Variants in ZNF577 observed in about 807,000 individuals in gnomAD.
ZNF577 encodes zinc finger protein 577.
A neutral mutation model predicts 13.9 loss-of-function variants in ZNF577; 14 were observed. The ratio of observed to expected loss-of-function variants is 1.00; its 90% CI spans 0.66 to 1.57. The LOEUF (loss-of-function observed/expected upper bound fraction) is 1.57, where lower values mean the gene tolerates loss of function less well. ZNF577 is among the 40% of genes most tolerant of loss of function. ZNF577 has a pLI of 0.00. For synonymous variants in ZNF577, 203 were observed against 202.9 expected, an observed-to-expected ratio of 1.00 and a Z score of 0.00; for missense variants, 555 against 579.2, an observed-to-expected ratio of 0.96 and a Z score of 0.43.
chr19:51,846,845 G>A (rs931533651), intron 5 of ZNF577, among the ~76,000 whole-genome samples: 10 of 152,158 alleles, frequency 6.6e-5, no homozygotes, highest in Non-Finnish European at 1.5e-4. Context: ...CCAGCTTCCA[G>A]AACTATAAGA....
At chr19:51,863,163 T>C (rs1448255948), downstream of ZNF577, 1 of 152,216 alleles carries the variant, frequency 6.6e-6, no homozygotes, top group Non-Finnish European at 1.5e-5. Flanking sequence ...ATTCCTGGGA[T>C]TTGTTTCCTG....
chr19:51,809,305 C>T (rs988758729), intron 10 of ZNF577, among the ~76,000 whole-genome samples: 2 of 152,218 alleles, frequency 1.3e-5, no homozygotes, highest in Non-Finnish European at 2.9e-5. Context: ...CCTACTCCCA[C>T]TAGGGATGTA....
At chr19:51,835,543 CT>C (rs1291918112) in intron 9 of ZNF577, among the ~76,000 whole-genome samples, 1 of 152,106 alleles carries the variant, frequency 6.6e-6, no homozygotes, top group Non-Finnish European at 1.5e-5. Flanking sequence ...TACTAGTTTA[CT>C]TTTAAATACA....
At chr19:51,881,341 G>A (rs1161107990) in intron 1 of ZNF577, among the ~76,000 whole-genome samples, 1 of 152,080 alleles carries the variant, frequency 6.6e-6, no homozygotes, top group South Asian at 2.1e-4. Context: ...AAGAAGTGGT[G>A]GCTCAAGAAA....
intron 9 of ZNF577, among the ~76,000 whole-genome samples, chr19:51,814,972 G>A (rs1360238917): frequency 6.6e-6 from 1 of 151,664 alleles, no homozygotes; most frequent in Non-Finnish European, 1.5e-5. Flanking sequence ...ACCACGTCTG[G>A]CTAATTTTCG....
At position 51,827,583 on chromosome 19, in the gene ZNF577, C is replaced by T. The variant is rs377442915; in HGVS notation, c.*599+12310G>A. 6.6e-5 allele frequency among the ~76,000 whole-genome samples: 10 copies of T among 152,292 alleles called. No individual in the cohort carries two copies. In the East Asian group the frequency reaches 1.9e-3, roughly 29 times the overall value. ...TGTCCAGTCAAAATTATCTCCAGCC[C>T]TCATAATATGAATCAGGTCAGGTCT... On this transcript the variant is annotated intron_variant and NMD_transcript_variant, in intron 9 of 10. Transcript: ENST00000638827.
chr19:51,878,134 GT>G (rs1158967905), intron 4 of ZNF577: 5 of 233,810 alleles, frequency 2.1e-5, no homozygotes, highest in Non-Finnish European at 4.2e-5. Flanking sequence ...TTGTTGTTTT[GT>G]GGGTACAGAG....
intron 9 of ZNF577, chr19:51,825,164 G>A: frequency 4.5e-6 from 1 of 222,732 alleles, no homozygotes; most frequent in Non-Finnish European, 9.6e-6. Context: ...CCTCTTTGGG[G>A]GTAGAGTGGC....
intron 5 of ZNF577, chr19:51,861,522 C>G (rs942551828): frequency 6.6e-6 from 1 of 152,336 alleles, no homozygotes; most frequent in Admixed American, 6.5e-5. Context: ...AGGTTTCTCT[C>G]CCACAAGAGT....
chr19:51,811,764 T>G (rs1258934811), intron 9 of ZNF577: 1 of 150,228 alleles, frequency 6.7e-6, no homozygotes, highest in South Asian at 2.1e-4. Flanking sequence ...TTGCCTCTAG[T>G]GGACAAGGAG....
At chr19:51,857,391 AAAGAAAG>A (rs2084440533) in intron 5 of ZNF577, among the ~76,000 whole-genome samples, 1 of 121,210 alleles carries the variant, frequency 8.3e-6, no homozygotes, top group Non-Finnish European at 1.6e-5. Flanking sequence ...AGAAAGAAAG[AAAGAAAG>A]AAAGAAAGAA....
At chr19:51,853,670 C>T (rs1324543680) in intron 5 of ZNF577, among the ~76,000 whole-genome samples, 1 of 152,194 alleles carries the variant, frequency 6.6e-6, no homozygotes, top group African/African-American at 2.4e-5. Context: ...GGCTCTGTTG[C>T]TACCTTCTAT....
chr19:51,838,158 CAAATACAAATATTAT>C (rs2084298036), intron 9 of ZNF577, among the ~76,000 whole-genome samples: 1 of 152,144 alleles, frequency 6.6e-6, no homozygotes, highest in Non-Finnish European at 1.5e-5. Context: ...CAACAGAGAA[CAAATACAAATATTAT>C]AATACTATTT....
At chr19:51,805,952 C>T (rs967037113) in intron 10 of ZNF577, among the ~76,000 whole-genome samples, 3 of 152,018 alleles carry the variant, frequency 2.0e-5, no homozygotes, top group Admixed American at 6.5e-5. Flanking sequence ...TCATCAAAGT[C>T]GAGATATTAT....
At chr19:51,827,302 T>C (rs1483125066) in intron 9 of ZNF577, among the ~76,000 whole-genome samples, 1 of 151,888 alleles carries the variant, frequency 6.6e-6, no homozygotes, top group East Asian at 1.9e-4. Context: ...CAGGAAGGAG[T>C]CAGCCACGTT....
chr19:51,824,736 G>T lies in ZNF577; in HGVS notation c.*600-13062C>A, dbSNP rs1485119388. ...GGAGAGGGCCCTGACTGAGGTCCCTGACTCAGCCCAGACCAGCAACACAGA... is the reference window on the plus strand; with the variant it reads ...GGAGAGGGCCCTGACTGAGGTCCCTTACTCAGCCCAGACCAGCAACACAGA... On this transcript the variant is annotated intron_variant and NMD_transcript_variant, in intron 9 of 10. Coordinates refer to the ZNF577 transcript ENST00000638827. The surrounding 1 kb of genome is among the most constrained non-coding windows in gnomAD (Gnocchi z 4.7). 1.9e-6 allele frequency: 3 copies of T among 1,614,000 alleles called. No homozygotes were observed. Among genetic ancestry groups the T allele is most frequent in the South Asian group, 2.2e-5 (2 of 91,078 alleles).
At chr19:51,857,224 G>A (rs887795810) in intron 5 of ZNF577, among the ~76,000 whole-genome samples, 4 of 151,836 alleles carry the variant, frequency 2.6e-5, no homozygotes, top group African/African-American at 4.8e-5. Context: ...GCTTGAACCC[G>A]GGAGGCGGAG....
intron 5 of ZNF577, among the ~76,000 whole-genome samples, chr19:51,854,200 A>G (rs1319682122): frequency 3.3e-5 from 5 of 152,180 alleles, no homozygotes; most frequent in Non-Finnish European, 5.9e-5. Context: ...TGTCTATCAT[A>G]TATCATTGGC....
chr19:51,817,931 A>G (rs548430213), intron 9 of ZNF577: 4 of 152,242 alleles, frequency 2.6e-5, no homozygotes, highest in South Asian at 2.1e-4. Flanking sequence ...GCGATGAAGT[A>G]TCTACTTGCC....
Sources: allele counts gnomAD v4.1 joint callset (sites outside exome capture counted in the v4.1 genomes callset), GRCh38; gene constraint gnomAD v4.1.1; non-coding constraint Gnocchi (gnomAD v3.1); transcripts MANE v1.5; gene names NCBI Gene and HGNC (gene_info 2026-07-23, HGNC 2026-07-21).